EPHA3: variants seen among roughly 807,000 people sequenced by gnomAD.
The protein encoded by EPHA3 is EPH receptor A3.
Under a neutral mutation model 107.1 loss-of-function variants are expected in EPHA3, and 42 were observed. The observed-to-expected ratio is 0.39, with a 90% CI of 0.31 to 0.51. The LOEUF (loss-of-function observed/expected upper bound fraction) is 0.51, where lower values mean the gene tolerates loss of function less well. Ranked by LOEUF, EPHA3 falls within the 20% of genes least tolerant of loss-of-function variation. The pLI is 0.78. For synonymous variants in EPHA3, 461 were observed against 424.8 expected (o/e 1.09, Z -1.05); for missense variants, 1,183 against 1,211.2 (o/e 0.98, Z 0.35).
At chr3:89,339,871 G>A (rs1707478385) in intron 3 of EPHA3, among the ~76,000 whole-genome samples, 1 of 152,242 alleles carries the variant, frequency 6.6e-6, no homozygotes, top group South Asian at 2.1e-4. Flanking sequence ...CTGAAATTGA[G>A]CTTTAGAAGT....
At chr3:89,244,489 A>G (rs1034431937) in intron 3 of EPHA3, among the ~76,000 whole-genome samples, 6 of 152,080 alleles carry the variant, frequency 3.9e-5, no homozygotes, top group Non-Finnish European at 8.8e-5. Context: ...AATGTTTTAT[A>G]CTATCCATTA....
intron 5 of EPHA3, among the ~76,000 whole-genome samples, chr3:89,390,600 CA>C (rs34753229): frequency 0.3 from 33,688 of 113,908 alleles, 4,132 homozygotes; most frequent in African/African-American, 0.39. Flanking sequence ...ACTCCGTTTC[CA>C]AAAAAAAAAA....
intron 3 of EPHA3, among the ~76,000 whole-genome samples, chr3:89,325,711 G>A (rs1707149451): frequency 6.6e-6 from 1 of 151,668 alleles, no homozygotes; most frequent in Non-Finnish European, 1.5e-5. Flanking sequence ...GTAGTACTTT[G>A]TACATATCAC....
chr3:89,146,265 T>G (rs1236120962), intron 2 of EPHA3, among the ~76,000 whole-genome samples: 3 of 151,882 alleles, frequency 2.0e-5, no homozygotes, highest in Admixed American at 6.6e-5. Flanking sequence ...GACTAACTGC[T>G]GCAGTTTCAC....
At chr3:89,279,718 A>G (rs2107311902) in intron 3 of EPHA3, among the ~76,000 whole-genome samples, 1 of 152,302 alleles carries the variant, frequency 6.6e-6, no homozygotes, top group East Asian at 1.9e-4. Context: ...TAGTACAAAC[A>G]TATTATATAT....
At chr3:89,246,679 C>T (rs1408521339) in intron 3 of EPHA3, among the ~76,000 whole-genome samples, 1 of 152,168 alleles carries the variant, frequency 6.6e-6, no homozygotes, top group African/African-American at 2.4e-5. Flanking sequence ...ATACAGTGGA[C>T]ATACTTTCAA....
chr3:89,400,368 A>G (rs1708936786), intron 7 of EPHA3: 1 of 153,908 alleles, frequency 6.5e-6, no homozygotes, highest in South Asian at 2.1e-4. Context: ...ATGCCCGGCT[A>G]ATTTTTTGTA....
At chr3:89,131,618 G>A (rs948317767) in intron 2 of EPHA3, among the ~76,000 whole-genome samples, 5 of 152,142 alleles carry the variant, frequency 3.3e-5, no homozygotes, top group African/African-American at 9.7e-5. Flanking sequence ...GAAATCATGA[G>A]CTATGACTCA....
At chr3:89,290,402 G>A (rs539038006) in intron 3 of EPHA3, among the ~76,000 whole-genome samples, 53 of 152,106 alleles carry the variant, frequency 3.5e-4, no homozygotes, top group African/African-American at 1.2e-3. Flanking sequence ...AATTGTGTGG[G>A]GAGGAAAACA....
chr3:89,348,541 T>C (rs1381549528), intron 5 of EPHA3, among the ~76,000 whole-genome samples: 26 of 140,576 alleles, frequency 1.8e-4, no homozygotes, highest in African/African-American at 7.3e-4. Flanking sequence ...GGTCTATCAA[T>C]TTTGTTGATC....
chr3:89,286,186 A>C (rs904561971), intron 3 of EPHA3, among the ~76,000 whole-genome samples: 5 of 146,762 alleles, frequency 3.4e-5, no homozygotes, highest in African/African-American at 1.3e-4. Flanking sequence ...GTTCTATGGG[A>C]CCCTTGGGCT....
At position 89,408,078 on chromosome 3, in the gene EPHA3, A is replaced by C; in HGVS notation, c.1709A>C (p.Tyr570Ser). ...IYVLIGRFCG[Y>S]KSKHGADEKR... ...TGATTTACCTCCAGGTTCTGTGGCT[A>C]TAAGTCAAAACATGGGGCAGATGAA... The change falls in exon 9 of 17, where the codon TAT becomes TCT. Residue 570 changes from tyrosine (Y) to serine (S), a missense_variant. Transcript: ENST00000336596. 6.2e-7 allele frequency: 1 copy of C among 1,612,948 alleles called. No individual in the cohort carries two copies. The highest frequency in any genetic ancestry group is 8.5e-7 in the Non-Finnish European group (1 of 1,179,110).
chr3:89,308,066 A>AT (rs1706668916), intron 3 of EPHA3, among the ~76,000 whole-genome samples: 1 of 152,104 alleles, frequency 6.6e-6, no homozygotes, highest in South Asian at 2.1e-4. Context: ...GGTCTTGGTG[A>AT]TTTTTTAATG....
rs1051996321 is a variant in EPHA3 at position 89,178,898 on chromosome 3, C to T, written c.154-30962C>T. Among the ~76,000 whole-genome samples the T allele has an allele frequency of 4.0e-5, 6 of 151,722 alleles. No individual in the cohort carries two copies. In the East Asian group the frequency reaches 9.7e-4, roughly 24 times the overall value. ...TGTGTTTAAAGTCATAATTTTATTG[C>T]TTTTATCCATTGTGTATTAAATCAT... is the stretch of plus-strand genomic sequence containing the variant. On this transcript the variant is annotated intron_variant, in intron 2 of 16. Coordinates refer to ENST00000336596, the MANE Select transcript of EPHA3 (RefSeq NM_005233.6).
In EPHA3 at chr3:89,336,307, TACTATAAGCAAAGATA is replaced by T. The variant is rs1707391787; in HGVS notation, c.815-4606_815-4591del. On this transcript the variant is annotated intron_variant, in intron 3 of 16. Transcript: ENST00000336596. ...TTCAATATACAATCATTGTCTTTGC[TACTATAAGCAAAGATA>T]ACACACACACACATTCACACACAAA... Among the ~76,000 whole-genome samples, 6 of 152,244 alleles carry T rather than the reference TACTATAAGCAAAGATA, an allele frequency of 3.9e-5. No homozygotes were observed. The South Asian group carries it at 1.2e-3, about 32-fold the overall frequency.
intron 3 of EPHA3, among the ~76,000 whole-genome samples, chr3:89,284,333 A>G (rs1559632055): frequency 6.6e-6 from 1 of 152,194 alleles, no homozygotes; most frequent in East Asian, 1.9e-4. Context: ...GAAAAAAATA[A>G]ACCATTTCTG....
chr3:89,415,531 A>G (rs1709230515), intron 10 of EPHA3, among the ~76,000 whole-genome samples: 1 of 145,302 alleles, frequency 6.9e-6, no homozygotes, highest in Non-Finnish European at 1.5e-5. Flanking sequence ...ATTTTACATA[A>G]ATGAATTGAT....
chr3:89,128,638 T>G (rs1291948811), intron 2 of EPHA3, among the ~76,000 whole-genome samples: 3 of 151,026 alleles, frequency 2.0e-5, no homozygotes, highest in African/African-American at 4.8e-5. Flanking sequence ...TAACTATATA[T>G]TAGTATATGG....
At chr3:89,183,931 G>A (rs759488202) in intron 2 of EPHA3, among the ~76,000 whole-genome samples, 44 of 152,024 alleles carry the variant, frequency 2.9e-4, no homozygotes, top group African/African-American at 1.0e-3. Context: ...TTATGTAAAT[G>A]ATCATTTAAA....
Sources: gnomAD v4.1 joint callset for allele counts (sites outside exome capture counted in the v4.1 genomes callset) on GRCh38, gnomAD v4.1.1 for gene constraint, MANE v1.5 for transcripts, NCBI Gene and HGNC (gene_info 2026-07-23, HGNC 2026-07-21) for gene names.